AASS: variants seen among roughly 807,000 people sequenced by gnomAD.
The protein encoded by AASS is alpha-aminoadipic semialdehyde synthase, mitochondrial.
A neutral mutation model predicts 105.4 loss-of-function variants in AASS; 86 were observed. The ratio of observed to expected loss-of-function variants is 0.82; its 90% confidence interval spans 0.69 to 0.98. AASS has a LOEUF of 0.98. AASS is among the 50% of genes least tolerant of loss of function. The pLI is 0.00. For synonymous variants in AASS, 381 were observed against 394.8 expected, an observed-to-expected ratio of 0.96 and a Z score of 0.41; for missense variants, 1,048 against 1,143.2, an observed-to-expected ratio of 0.92 and a Z score of 1.20.
chr7:122,091,720 A>T lies in AASS; in HGVS notation c.1999T>A (p.Tyr667Asn). The change falls in exon 18 of 24, where the codon TAT (tyrosine) becomes AAT (asparagine). Residue 667 changes from tyrosine (Y) to asparagine (N), a missense_variant. Coordinates refer to ENST00000417368, the MANE Select transcript of AASS (RefSeq NM_005763.4). ...TTCCTCACCTTTCCATCGAGCAGAT[A>T]GGTGGCAGACTGCATTACATTCATC... ...VLMNVMQSAT[Y>N]LLDGKVVNVA... is the part of the protein sequence containing the mutation. The T allele has an allele frequency of 1.2e-6, 2 of 1,606,684 alleles. No individual in the cohort carries two copies. Among genetic ancestry groups the T allele is most frequent in the Non-Finnish European group, 1.7e-6 (2 of 1,175,594 alleles).
chr7:122,100,924 T>C (rs1794394663), intron 13 of AASS, among the ~76,000 whole-genome samples: 1 of 151,818 alleles, frequency 6.6e-6, no homozygotes, highest in South Asian at 2.1e-4. Context: ...TCTCTTAATT[T>C]GTAACCACGA....
At chr7:122,098,306 A>T (rs1428351560) in intron 15 of AASS, 144 bp downstream of exon 15, 6 of 791,210 alleles carry the variant, frequency 7.6e-6, no homozygotes, top group Non-Finnish European at 1.2e-5. Context: ...CTATATACTT[A>T]TGATTTGTGC....
At chr7:122,141,658 CAAAAA>C (rs67469054) in intron 1 of AASS, among the ~76,000 whole-genome samples, 5 of 94,634 alleles carry the variant, frequency 5.3e-5, no homozygotes, top group South Asian at 7.6e-4. Flanking sequence ...CCTAACCCTG[CAAAAA>C]AAAAAAAAAA....
At chr7:122,095,027 G>A (rs1334212185) in intron 15 of AASS, among the ~76,000 whole-genome samples, 1 of 151,996 alleles carries the variant, frequency 6.6e-6, no homozygotes, top group Non-Finnish European at 1.5e-5. Context: ...CCTCCACAAA[G>A]CTTTCCCAGA....
rs1795006167 is a variant in AASS, at chr7:122,113,015, T to C, written c.1278+103A>G. The C allele has an allele frequency of 1.6e-5, 15 of 922,806 alleles. No individual in the cohort carries two copies. The South Asian group carries it at 2.1e-4, about 13-fold the overall frequency. The allele number at this position is 922,806 out of a possible 1,614,324, so 57.2% of individuals were successfully genotyped here. On this transcript the variant is annotated intron_variant, in intron 11 of 23. Transcript: ENST00000417368. Reference sequence around the variant, plus strand: ...TCAGGGAAGGGCTGGCATTTCATTTTACAGCAGATTTCTTAGATACAGAAG... The same window carrying C: ...TCAGGGAAGGGCTGGCATTTCATTTCACAGCAGATTTCTTAGATACAGAAG...
intron 2 of AASS, among the ~76,000 whole-genome samples, chr7:122,133,119 C>CAT (rs1175402711): frequency 6.6e-6 from 1 of 152,016 alleles, no homozygotes; most frequent in Non-Finnish European, 1.5e-5. Context: ...GAAAAGTATA[C>CAT]ATATATATGT....
At chr7:122,101,169 G>A (rs279663) in intron 13 of AASS, among the ~76,000 whole-genome samples, 1 of 151,604 alleles carries the variant, frequency 6.6e-6, no homozygotes, top group Non-Finnish European at 1.5e-5. Flanking sequence ...CCAAAATGAC[G>A]CTATACTACT....
chr7:122,113,100 T>C lies in AASS; in HGVS notation c.1278+18A>G. ...TTTAAAGCCACAGAGTTGTTACTGA[T>C]ATTACCAGTCTGCTTACCATTTCTT... On this transcript the variant is annotated intron_variant, in intron 11 of 23. Transcript: ENST00000417368. 6.3e-7 allele frequency: 1 copy of C among 1,582,524 alleles called. No homozygotes were observed. Among genetic ancestry groups the C allele is most frequent in the Non-Finnish European group, 8.7e-7 (1 of 1,151,254 alleles).
intron 21 of AASS, 151 bp from the exon 22 acceptor site, chr7:122,079,101 C>A: frequency 6.5e-7 from 1 of 1,535,848 alleles, no homozygotes. Flanking sequence ...TGTAAAATAA[C>A]AATAACAATA....
At chr7:122,119,229 C>CCT in intron 4 of AASS, among the ~76,000 whole-genome samples, 1 of 152,210 alleles carries the variant, frequency 6.6e-6, no homozygotes. Context: ...TCTGTAGGAC[C>CCT]CTCTTCCTGT....
chr7:122,081,044 G>A (rs894586905), intron 20 of AASS, among the ~76,000 whole-genome samples: 5 of 152,122 alleles, frequency 3.3e-5, no homozygotes, highest in East Asian at 3.9e-4. Context: ...GCATAAGCTC[G>A]GTAACTGAAA....
At chr7:122,126,051 T>G (rs978315793) in intron 4 of AASS, among the ~76,000 whole-genome samples, 2 of 152,106 alleles carry the variant, frequency 1.3e-5, no homozygotes, top group Admixed American at 6.6e-5. Flanking sequence ...TTTCTATTTC[T>G]CCCTATCTTC....
At chr7:122,137,703 A>T (rs1284930565) in intron 1 of AASS, among the ~76,000 whole-genome samples, 1 of 152,208 alleles carries the variant, frequency 6.6e-6, no homozygotes, top group Non-Finnish European at 1.5e-5. Flanking sequence ...GAATTTCTGA[A>T]TTGCACTGCA....
chr7:122,110,210 C>T (rs76314060), intron 11 of AASS, among the ~76,000 whole-genome samples: 33,863 of 151,256 alleles, frequency 0.22, 4,014 homozygotes, highest in African/African-American at 0.31. Flanking sequence ...TGATTTTTTG[C>T]GATGACTAAT....
chr7:122,093,226 G>A (rs1584829259), intron 15 of AASS, 68 bp from the exon 16 acceptor site: 3 of 1,138,932 alleles, frequency 2.6e-6, no homozygotes, highest in East Asian at 2.3e-5. Flanking sequence ...TACTTGAACT[G>A]TATTAAAGCT....
chr7:122,083,033 C>A (rs1490887828), intron 19 of AASS: 2 of 411,546 alleles, frequency 4.9e-6, no homozygotes, highest in African/African-American at 2.5e-5. Context: ...TCTGCAATTA[C>A]TGCTCAAGCA....
chr7:122,120,105 G>T (rs1023627776), intron 4 of AASS, among the ~76,000 whole-genome samples: 6 of 152,090 alleles, frequency 3.9e-5, no homozygotes, highest in African/African-American at 1.2e-4. Flanking sequence ...GTCTTTTATT[G>T]TTGAAGAGTT....
At chr7:122,115,514 A>C (rs2150535967) in intron 8 of AASS, among the ~76,000 whole-genome samples, 1 of 152,286 alleles carries the variant, frequency 6.6e-6, no homozygotes, top group South Asian at 2.1e-4. Flanking sequence ...AAACAAAACA[A>C]ACAAAAAACG....
intron 19 of AASS, among the ~76,000 whole-genome samples, chr7:122,085,072 C>T (rs1360834324): frequency 6.6e-6 from 1 of 152,060 alleles, no homozygotes; most frequent in African/African-American, 2.4e-5. Context: ...TAGGGTGAAC[C>T]CTAAGTCCAA....
Sources: gnomAD v4.1 joint callset for allele counts (sites outside exome capture counted in the v4.1 genomes callset) on GRCh38, gnomAD v4.1.1 for gene constraint, MANE v1.5 for transcripts, NCBI Gene and HGNC (gene_info 2026-07-23, HGNC 2026-07-21) for gene names.